PCDHGA3: variants seen among roughly 807,000 people sequenced by gnomAD.
PCDHGA3 encodes protocadherin gamma-A3.
Under a neutral mutation model 58.5 loss-of-function variants are expected in PCDHGA3, and 40 were observed. The ratio of observed to expected loss-of-function variants is 0.68; its 90% confidence interval spans 0.53 to 0.89. The LOEUF (loss-of-function observed/expected upper bound fraction) is 0.89, where lower values mean the gene tolerates loss of function less well. Ranked by LOEUF, PCDHGA3 falls within the 40% of genes least tolerant of loss-of-function variation. The pLI, the probability that PCDHGA3 is intolerant of heterozygous loss-of-function variation, is 0.00. For synonymous variants in PCDHGA3, 530 were observed against 525.7 expected, an observed-to-expected ratio of 1.01 and a Z score of -0.11; for missense variants, 1,223 against 1,195.9, an observed-to-expected ratio of 1.02 and a Z score of -0.33.
At chr5:141,444,757 C>T (rs919228537) in intron 1 of PCDHGA3, among the ~76,000 whole-genome samples, 4 of 152,050 alleles carry the variant, frequency 2.6e-5, no homozygotes, top group African/African-American at 9.7e-5. Flanking sequence ...ATATGTAGTT[C>T]TATTTCTATA....
At chr5:141,399,598 G>A in intron 1 of PCDHGA3, 1 of 1,613,964 alleles carries the variant, frequency 6.2e-7, no homozygotes, top group Non-Finnish European at 8.5e-7. Context: ...CATGGCCAGC[G>A]ACCTAGAGCC....
At chr5:141,478,108 G>A (rs1160328367) in intron 1 of PCDHGA3, 1 of 1,614,046 alleles carries the variant, frequency 6.2e-7, no homozygotes, top group Admixed American at 1.7e-5. Flanking sequence ...CCCTCACTGT[G>A]TCAGTAACCG....
chr5:141,504,765 C>T lies in PCDHGA3; in HGVS notation c.2484-628C>T, dbSNP rs548234873. ...ATTGAATTTTAGAAATTTCTTCTCC[C>T]TGCTCCAGGGTCTCTTGGGGCCTCC... On this transcript the variant is annotated intron_variant, in intron 2 of 3. Transcript: ENST00000253812. Among the ~76,000 whole-genome samples, 4 of 152,156 alleles carry T rather than the reference C, an allele frequency of 2.6e-5. No homozygotes were observed. The South Asian group carries it at 8.3e-4, about 32-fold the overall frequency.
chr5:141,369,622 A>C (rs904281390), intron 1 of PCDHGA3, among the ~76,000 whole-genome samples: 3 of 152,224 alleles, frequency 2.0e-5, no homozygotes, highest in African/African-American at 7.2e-5. Flanking sequence ...TCATTTCCTC[A>C]TTACCTTTAA....
intron 1 of PCDHGA3, among the ~76,000 whole-genome samples, chr5:141,449,714 A>G (rs1188830159): frequency 2.6e-5 from 4 of 151,334 alleles, no homozygotes; most frequent in African/African-American, 7.3e-5. Flanking sequence ...CATTATTTTT[A>G]TATGATATGA....
intron 1 of PCDHGA3, chr5:141,385,119 T>C: frequency 1.2e-6 from 2 of 1,614,212 alleles, no homozygotes; most frequent in South Asian, 2.2e-5. Flanking sequence ...CCTCGCACTT[T>C]GTGGGCATGG....
chr5:141,476,562 C>A lies in PCDHGA3; in HGVS notation c.2425-18245C>A. On this transcript the variant is annotated intron_variant, in intron 1 of 3. Transcript: ENST00000253812. This position sits in a 1 kb window ranked among gnomAD's most constrained non-coding sequence, Gnocchi z 7.6. ...AAATTGGAGATTAGCGAGGCCGTGG[C>A]TCCGGGGACGCGCTTTCCGCTCGAG... 1 of 1,614,218 alleles carries A rather than the reference C, an allele frequency of 6.2e-7. No homozygotes were observed. The highest frequency in any genetic ancestry group is 8.5e-7 in the Non-Finnish European group (1 of 1,180,034).
chr5:141,372,772 A>C (rs1359362991), intron 1 of PCDHGA3: 2 of 1,611,080 alleles, frequency 1.2e-6, no homozygotes, highest in Non-Finnish European at 1.7e-6. Flanking sequence ...AGTAATGACA[A>C]TCCAGAAATG....
At chr5:141,454,875 T>G (rs2098805612) in intron 1 of PCDHGA3, among the ~76,000 whole-genome samples, 1 of 144,402 alleles carries the variant, frequency 6.9e-6, no homozygotes, top group African/African-American at 2.6e-5. Context: ...TGGCACGATC[T>G]TGGCTCACTG....
chr5:141,458,367 G>A (rs1297876142), intron 1 of PCDHGA3, among the ~76,000 whole-genome samples: 2 of 152,130 alleles, frequency 1.3e-5, no homozygotes, highest in African/African-American at 2.4e-5. Context: ...AGAAGGAAGG[G>A]AGAAGAGAGA....
In PCDHGA3 at chr5:141,365,825, G is replaced by T. The variant is rs772088278; in HGVS notation, c.2424+19368G>T. On this transcript the variant is annotated intron_variant, in intron 1 of 3. Transcript: ENST00000253812. Reference sequence around the variant, plus strand: ...CCTGGCTGAAGACACATTTCAGGGGGCGCCCTTGTCCTCCTATGTATCCAT... The same window carrying T: ...CCTGGCTGAAGACACATTTCAGGGGTCGCCCTTGTCCTCCTATGTATCCAT... 77 of 1,613,824 alleles carry T rather than the reference G, an allele frequency of 4.8e-5. No homozygotes were observed. In the Admixed American group the frequency reaches 5.7e-4, roughly 12 times the overall value.
At chr5:141,360,235 C>G in intron 1 of PCDHGA3, 1 of 1,613,896 alleles carries the variant, frequency 6.2e-7, no homozygotes, top group Non-Finnish European at 8.5e-7. Context: ...AGTCCAGATC[C>G]GCTATTCAAT....
chr5:141,509,843 C>T (rs1596253565), intron 3 of PCDHGA3, among the ~76,000 whole-genome samples: 1 of 152,178 alleles, frequency 6.6e-6, no homozygotes, highest in African/African-American at 2.4e-5. Context: ...CTCCCATTCA[C>T]TCAGAACAGG....
intron 1 of PCDHGA3, chr5:141,384,387 C>A (rs774707320): frequency 6.2e-7 from 1 of 1,613,950 alleles, no homozygotes; most frequent in Admixed American, 1.7e-5. Context: ...AAGACACCAT[C>A]CAGGGGGCTC....
chr5:141,440,481 T>C (rs1451820594), intron 1 of PCDHGA3: 1 of 152,196 alleles, frequency 6.6e-6, no homozygotes, highest in African/African-American at 2.4e-5. Context: ...GAAAATTCTT[T>C]AAATGTTTTT....
intron 1 of PCDHGA3, among the ~76,000 whole-genome samples, chr5:141,420,713 G>GT (rs1303648273): frequency 3.3e-5 from 5 of 152,078 alleles, no homozygotes; most frequent in African/African-American, 1.2e-4. Context: ...CAGAAATGTC[G>GT]TTCCTTTCAG....
intron 1 of PCDHGA3, among the ~76,000 whole-genome samples, chr5:141,438,587 CATACATATAT>C (rs1422309749): frequency 6.8e-5 from 5 of 73,430 alleles, no homozygotes; most frequent in South Asian, 5.1e-4. Context: ...TACATACATA[CATACATATAT>C]ATATATATAT....
At chr5:141,381,878 G>A (rs1777712402) in intron 1 of PCDHGA3, among the ~76,000 whole-genome samples, 2 of 129,172 alleles carry the variant, frequency 1.5e-5, no homozygotes, top group South Asian at 4.9e-4. Flanking sequence ...TGTCCAGGCT[G>A]GAGTGCAATG....
intron 1 of PCDHGA3, chr5:141,354,976 C>A: frequency 1.8e-6 from 1 of 544,760 alleles, no homozygotes; most frequent in Non-Finnish European, 3.0e-6. Flanking sequence ...CTCTGGGTGT[C>A]GCTGTTCACC....
Sources: gnomAD v4.1 joint callset for allele counts (sites outside exome capture counted in the v4.1 genomes callset) on GRCh38, gnomAD v4.1.1 for gene constraint, Gnocchi (gnomAD v3.1) non-coding constraint, MANE v1.5 for transcripts, NCBI Gene and HGNC (gene_info 2026-07-23, HGNC 2026-07-21) for gene names.